DGKB: variants seen among roughly 807,000 people sequenced by gnomAD.
DGKB encodes 90 kDa diacylglycerol kinase.
A neutral mutation model predicts 114.3 loss-of-function variants in DGKB; 67 were observed. The observed-to-expected ratio is 0.59, with a 90% confidence interval of 0.48 to 0.72. DGKB has a LOEUF of 0.72. Ranked by LOEUF, DGKB falls within the 30% of genes least tolerant of loss-of-function variation. The pLI is 0.00. For synonymous variants in DGKB, 398 were observed against 323.1 expected, an observed-to-expected ratio of 1.23 and a Z score of -2.49; for missense variants, 907 against 975.2, an observed-to-expected ratio of 0.93 and a Z score of 0.93.
intron 2 of DGKB, among the ~76,000 whole-genome samples, chr7:14,806,614 G>A (rs184528656): frequency 6.6e-6 from 1 of 152,060 alleles, no homozygotes; most frequent in East Asian, 1.9e-4. Context: ...AACTCATGTG[G>A]CACCTCCTTT....
upstream of DGKB, among the ~76,000 whole-genome samples, chr7:14,905,373 T>A (rs1334352272): frequency 6.6e-6 from 1 of 151,956 alleles, no homozygotes; most frequent in Non-Finnish European, 1.5e-5. Context: ...GGTGATTGAA[T>A]CTTATTCCTG....
intron 21 of DGKB, among the ~76,000 whole-genome samples, chr7:14,455,588 G>A (rs1397071316): frequency 6.6e-6 from 1 of 151,898 alleles, no homozygotes; most frequent in African/African-American, 2.4e-5. Context: ...CTTTGCACAG[G>A]AAGTAATTTT....
Position 14,417,701 on chromosome 7 carries a change from CT to C in DGKB, c.1835+60459del, listed in dbSNP as rs144571157. Among the ~76,000 whole-genome samples, 236 of 148,180 alleles carry C rather than the reference CT, an allele frequency of 1.6e-3. 2 individuals carry two copies. The highest frequency in any genetic ancestry group is 5.4e-3 in the African/African-American group (218 of 40,304). On this transcript the variant is annotated intron_variant, in intron 21 of 25. Coordinates refer to ENST00000402815, the MANE Select transcript of DGKB (RefSeq NM_001350709.2). ...ATAAATTGCTTCTGGTGATTTTTTACTTTTTTTTTTAACTTGTACAGTATAC... is the reference window on the plus strand; with the variant it reads ...ATAAATTGCTTCTGGTGATTTTTTACTTTTTTTTTAACTTGTACAGTATAC...
At chr7:14,253,385 G>A (rs887250042) in intron 23 of DGKB, among the ~76,000 whole-genome samples, 10 of 152,088 alleles carry the variant, frequency 6.6e-5, no homozygotes, top group African/African-American at 1.2e-4. Flanking sequence ...CTATTCTGCC[G>A]TCTTGCTGTC....
chr7:14,955,378 C>A (rs1786441708), intron 1 of DGKB, among the ~76,000 whole-genome samples: 1 of 152,010 alleles, frequency 6.6e-6, no homozygotes, highest in East Asian at 1.9e-4. Context: ...GGATTCCTCT[C>A]TTTTTTCTCT....
intron 23 of DGKB, among the ~76,000 whole-genome samples, chr7:14,266,815 A>C (rs1797585210): frequency 6.6e-6 from 1 of 152,168 alleles, no homozygotes; most frequent in Non-Finnish European, 1.5e-5. Context: ...TTTTAATATA[A>C]CCTTATAAGG....
intron 21 of DGKB, among the ~76,000 whole-genome samples, chr7:14,406,798 A>G (rs927073944): frequency 6.6e-6 from 1 of 152,120 alleles, no homozygotes; most frequent in Non-Finnish European, 1.5e-5. Context: ...ATCTTATGGA[A>G]TTACTCAAGT....
chr7:14,574,601 A>G (rs1798847855), intron 19 of DGKB, among the ~76,000 whole-genome samples: 1 of 150,870 alleles, frequency 6.6e-6, no homozygotes, highest in South Asian at 2.1e-4. Flanking sequence ...TGTGGTGCAA[A>G]TTCTCAGCAT....
At position 14,646,120 on chromosome 7, in the gene DGKB, A is replaced by C. The variant is rs1252616138; in HGVS notation, c.1135-15852T>G. Among the ~76,000 whole-genome samples the C allele has an allele frequency of 2.0e-5, 3 of 152,214 alleles. No individual in the cohort carries two copies. The East Asian group carries it at 5.8e-4, about 29-fold the overall frequency. On this transcript the variant is annotated intron_variant, in intron 13 of 25. Transcript: ENST00000402815. The stretch of plus-strand genomic sequence containing the variant: ...CAAGATCCAACTATATGCTGCCTAC[A>C]AAAATCTCACTTCACTTGCAAAGAC...
intron 21 of DGKB, among the ~76,000 whole-genome samples, chr7:14,398,994 C>T (rs569300237): frequency 3.3e-5 from 5 of 151,802 alleles, no homozygotes; most frequent in South Asian, 2.1e-4. Flanking sequence ...ATTTACAACC[C>T]GCAGACGTGA....
At chr7:14,152,339 T>C (rs1015375673) in intron 25 of DGKB, among the ~76,000 whole-genome samples, 4 of 152,072 alleles carry the variant, frequency 2.6e-5, no homozygotes, top group African/African-American at 7.2e-5. Context: ...AACATGATTT[T>C]GGTTGTTTAG....
intron 21 of DGKB, among the ~76,000 whole-genome samples, chr7:14,358,817 G>A (rs1053169022): frequency 6.6e-6 from 1 of 152,118 alleles, no homozygotes. Context: ...ACAAACAAAT[G>A]GAAGAACATT....
intron 13 of DGKB, among the ~76,000 whole-genome samples, chr7:14,654,793 T>C (rs946863374): frequency 1.3e-5 from 2 of 151,900 alleles, no homozygotes; most frequent in African/African-American, 2.4e-5. Flanking sequence ...ACACCCTCTA[T>C]AATAAATGGT....
intron 23 of DGKB, among the ~76,000 whole-genome samples, chr7:14,196,770 T>C (rs1164412254): frequency 6.6e-6 from 1 of 152,078 alleles, no homozygotes. Flanking sequence ...ATTAATCATG[T>C]ACTGACAAGT....
intron 13 of DGKB, among the ~76,000 whole-genome samples, chr7:14,634,515 C>T (rs1007680918): frequency 2.0e-5 from 3 of 149,302 alleles, no homozygotes; most frequent in African/African-American, 7.4e-5. Flanking sequence ...CACACACACA[C>T]ACTTGTTTTG....
At chr7:14,885,982 T>G (rs1386688408) in intron 1 of DGKB, among the ~76,000 whole-genome samples, 1 of 151,862 alleles carries the variant, frequency 6.6e-6, no homozygotes, top group Non-Finnish European at 1.5e-5. Flanking sequence ...CTGAATTATT[T>G]TGAGCAAGAA....
intron 13 of DGKB, among the ~76,000 whole-genome samples, chr7:14,659,055 T>G (rs1031559656): frequency 2.6e-5 from 4 of 151,984 alleles, no homozygotes; most frequent in African/African-American, 9.7e-5. Context: ...TTTGTCCTAA[T>G]GTTCTCCCTC....
intron 1 of DGKB, among the ~76,000 whole-genome samples, chr7:14,865,630 T>G (rs1851596903): frequency 6.6e-6 from 1 of 152,232 alleles, no homozygotes; most frequent in African/African-American, 2.4e-5. Context: ...GTATCTTGGC[T>G]GAACTTTGGT....
At chr7:14,316,283 C>G (rs1806494884) in intron 23 of DGKB, among the ~76,000 whole-genome samples, 1 of 149,086 alleles carries the variant, frequency 6.7e-6, no homozygotes, top group Non-Finnish European at 1.5e-5. Flanking sequence ...TAACTAAAAT[C>G]AGAGCAGAAC....
Sources: allele counts gnomAD v4.1 joint callset (sites outside exome capture counted in the v4.1 genomes callset), GRCh38; gene constraint gnomAD v4.1.1; transcripts MANE v1.5; gene names NCBI Gene and HGNC (gene_info 2026-07-23, HGNC 2026-07-21).